Variants in KSR2 observed in about 807,000 individuals in gnomAD.
The protein encoded by KSR2 is kinase suppressor of ras 2.
A neutral mutation model predicts 107.8 loss-of-function variants in KSR2; 25 were observed. That is an observed-to-expected ratio of 0.23 (90% CI 0.17 to 0.32). The LOEUF is 0.32. Among genes scored for constraint, KSR2 ranks in the 10% least tolerant of loss-of-function variants. KSR2 has a pLI of 1.00. For synonymous variants in KSR2, 480 were observed against 507.0 expected (o/e 0.95, Z 0.71); for missense variants, 887 against 1,268.9 (o/e 0.70, Z 4.57).
intron 3 of KSR2, among the ~76,000 whole-genome samples, chr12:117,786,353 C>T (rs889019945): frequency 6.6e-6 from 1 of 151,820 alleles, no homozygotes; most frequent in Non-Finnish European, 1.5e-5. Flanking sequence ...ATTTTAGGTT[C>T]AGTGGTACAT....
Position 117,468,928 on chromosome 12 carries a change from G to A in KSR2, c.2846+734C>T, listed in dbSNP as rs149027689. 1.2e-4 allele frequency among the ~76,000 whole-genome samples: 19 copies of A among 152,312 alleles called. No homozygotes were observed. In the East Asian group the frequency reaches 3.5e-3, roughly 28 times the overall value. ...TGTGTCTGCATGAGTGTGAGTACCT[G>A]AGAGTGTCTGTGTGAGTGTGCCAAC... is the stretch of plus-strand genomic sequence containing the variant. On this transcript the variant is annotated intron_variant, in intron 19 of 19. Coordinates refer to ENST00000339824, the MANE Select transcript of KSR2 (RefSeq NM_173598.6).
At chr12:117,804,475 A>G (rs1890945614) in intron 3 of KSR2, among the ~76,000 whole-genome samples, 2 of 152,198 alleles carry the variant, frequency 1.3e-5, no homozygotes, top group Non-Finnish European at 2.9e-5. Context: ...CCCTGCTCCT[A>G]TACCATTTGC....
intron 5 of KSR2, among the ~76,000 whole-genome samples, chr12:117,655,720 C>A: frequency 6.6e-6 from 1 of 152,198 alleles, no homozygotes; most frequent in East Asian, 1.9e-4. Context: ...CACCTGGACA[C>A]TTTGAGCTCC....
At chr12:117,577,554 G>A (rs7297201) in intron 7 of KSR2, among the ~76,000 whole-genome samples, 9,305 of 152,214 alleles carry the variant, frequency 0.061, 694 homozygotes, top group East Asian at 0.19. Flanking sequence ...ATGACAGGGT[G>A]ATTTATAAAG....
intron 5 of KSR2, among the ~76,000 whole-genome samples, chr12:117,635,190 T>A (rs1225752174): frequency 6.6e-6 from 1 of 152,208 alleles, no homozygotes; most frequent in Admixed American, 6.5e-5. Context: ...TGCTCTTTCC[T>A]GTCTTCCCCA....
At chr12:117,599,749 T>C (rs148361217) in intron 5 of KSR2, among the ~76,000 whole-genome samples, 297 of 152,200 alleles carry the variant, frequency 2.0e-3, no homozygotes, top group African/African-American at 6.8e-3. Context: ...AGATCAAACA[T>C]ATCAAGAATG....
chr12:117,656,745 TC>T (rs1475272670), intron 5 of KSR2, among the ~76,000 whole-genome samples: 1 of 151,808 alleles, frequency 6.6e-6, no homozygotes, highest in Non-Finnish European at 1.5e-5. Context: ...GGGCCTAGCC[TC>T]CCAGCCTACA....
intron 14 of KSR2, among the ~76,000 whole-genome samples, chr12:117,504,944 T>C (rs968113032): frequency 6.6e-6 from 1 of 152,182 alleles, no homozygotes; most frequent in African/African-American, 2.4e-5. Context: ...CCAAAGCCTA[T>C]TATATCACTC....
intron 1 of KSR2, among the ~76,000 whole-genome samples, chr12:117,870,750 C>T (rs1288612379): frequency 6.6e-6 from 1 of 152,090 alleles, no homozygotes; most frequent in Non-Finnish European, 1.5e-5. Flanking sequence ...GAGCTAGAAC[C>T]AAGGGGTACT....
chr12:117,660,848 A>T (rs1444451705), intron 5 of KSR2, among the ~76,000 whole-genome samples: 1 of 152,222 alleles, frequency 6.6e-6, no homozygotes, highest in African/African-American at 2.4e-5. Flanking sequence ...CTTCTGTGTC[A>T]GTTTCTTGCA....
chr12:117,789,557 G>C (rs1890187964), intron 3 of KSR2, among the ~76,000 whole-genome samples: 1 of 152,180 alleles, frequency 6.6e-6, no homozygotes, highest in Non-Finnish European at 1.5e-5. Context: ...TCACACGGTA[G>C]AAAGAAACAG....
rs75332673 is a variant in KSR2 at position 117,928,846 on chromosome 12, C to T, written c.180+39230G>A. Among the ~76,000 whole-genome samples, 71 of 145,984 alleles carry T rather than the reference C, an allele frequency of 4.9e-4. No individual in the cohort carries two copies. In the East Asian group the frequency reaches 0.012, roughly 26 times the overall value. On this transcript the variant is annotated intron_variant, in intron 1 of 19. Transcript: ENST00000339824. ...TCAACAATCCCCATGAGGTAGACAT[C>T]GCAAATGGAGCCAGAGATTGGCTAC...
intron 3 of KSR2, 120 bp from the exon 4 acceptor site, chr12:117,761,644 T>C (rs1889028889): frequency 1.2e-5 from 11 of 907,272 alleles, no homozygotes; most frequent in Admixed American, 2.0e-5. Flanking sequence ...ATCATGTGCA[T>C]GTTACACTAT....
intron 3 of KSR2, among the ~76,000 whole-genome samples, chr12:117,834,329 C>T (rs1202947885): frequency 2.0e-5 from 3 of 150,518 alleles, no homozygotes; most frequent in Non-Finnish European, 4.4e-5. Context: ...TTCCAAAATC[C>T]AAACAAAACA....
chr12:117,527,368 A>C (rs992205186), intron 12 of KSR2, among the ~76,000 whole-genome samples: 2 of 149,374 alleles, frequency 1.3e-5, no homozygotes, highest in African/African-American at 5.0e-5. Flanking sequence ...CACACACACA[A>C]CACAGTGCGC....
chr12:117,798,461 C>A (rs1297898468), intron 3 of KSR2, among the ~76,000 whole-genome samples: 1 of 151,984 alleles, frequency 6.6e-6, no homozygotes, highest in Non-Finnish European at 1.5e-5. Context: ...GGTGAAACCC[C>A]ATCTCTACTA....
intron 4 of KSR2, among the ~76,000 whole-genome samples, chr12:117,685,248 G>A (rs1027464111): frequency 1.8e-4 from 27 of 152,272 alleles, no homozygotes; most frequent in African/African-American, 6.5e-4. Context: ...TGTGATTAGT[G>A]ACTAATCTTA....
At chr12:117,900,164 A>G (rs1252427847) in intron 1 of KSR2, among the ~76,000 whole-genome samples, 2 of 152,234 alleles carry the variant, frequency 1.3e-5, no homozygotes. Context: ...CATGTTTGTG[A>G]TGATTTGTAT....
intron 1 of KSR2, among the ~76,000 whole-genome samples, chr12:117,918,476 C>A (rs1375053632): frequency 1.3e-5 from 2 of 152,122 alleles, no homozygotes; most frequent in Non-Finnish European, 2.9e-5. Flanking sequence ...TCCTAACTAT[C>A]TTTTAATACC....
Sources: gnomAD v4.1 joint callset for allele counts (sites outside exome capture counted in the v4.1 genomes callset) on GRCh38, gnomAD v4.1.1 for gene constraint, MANE v1.5 for transcripts, NCBI Gene and HGNC (gene_info 2026-07-23, HGNC 2026-07-21) for gene names.